UBAC1: variants seen among roughly 807,000 people sequenced by gnomAD.
The protein encoded by UBAC1 is ubiquitin-associated domain-containing protein 1.
A neutral mutation model predicts 45.9 loss-of-function variants in UBAC1; 27 were observed. The ratio of observed to expected loss-of-function variants is 0.59; its 90% CI spans 0.43 to 0.81. UBAC1 has a LOEUF of 0.81. Ranked by LOEUF, UBAC1 falls within the 30% of genes least tolerant of loss-of-function variation. UBAC1 has a pLI of 0.00. For missense variants in UBAC1, 529 were observed against 539.2 expected, an observed-to-expected ratio of 0.98 and a Z score of 0.19; for synonymous variants, 227 against 215.5, an observed-to-expected ratio of 1.05 and a Z score of -0.47.
rs370804233 is a variant in UBAC1 at position 135,961,139 on chromosome 9, G to A, written c.24C>T (p.Ile8=). 8 of 1,584,074 alleles carry A rather than the reference G, an allele frequency of 5.1e-6. No homozygotes were observed. In the East Asian group the frequency reaches 1.9e-4, roughly 38 times the overall value. Residue 8 remains isoleucine, a synonymous_variant, in exon 1 of 10, where the codon ATC becomes ATT. Coordinates refer to ENST00000371756, the MANE Select transcript of UBAC1 (RefSeq NM_016172.3). MFVQEEK[I]FAGKVLRLHI... is the part of the protein sequence containing the mutation. ...GCAGCCGCAGCACCTTGCCCGCGAA[G>A]ATCTTCTCCTCCTGCACGAACATCC...
In UBAC1 at chr9:135,947,913, G is replaced by C; in HGVS notation, c.334-8C>G. 1 of 1,612,288 alleles carries C rather than the reference G, an allele frequency of 6.2e-7. No individual in the cohort carries two copies. The highest frequency in any genetic ancestry group is 1.3e-5 in the African/African-American group (1 of 74,962). ...TTTCTGGTCTTGTTTTTTCTACACA[G>C]AAACGTAATCAGAAAGTCTGAGGTG... On this transcript the variant is annotated splice_polypyrimidine_tract_variant and splice_region_variant and intron_variant, in intron 3 of 9. Coordinates refer to ENST00000371756, the MANE Select transcript of UBAC1 (RefSeq NM_016172.3).
At chr9:135,951,925 T>A (rs1295719106) in intron 3 of UBAC1, among the ~76,000 whole-genome samples, 5 of 152,234 alleles carry the variant, frequency 3.3e-5, no homozygotes, top group African/African-American at 1.2e-4. Context: ...GCTCCTCAGG[T>A]TAGCTCCAAG....
At chr9:135,933,665 C>G in intron 9 of UBAC1, 150 bp from the exon 10 acceptor site, 1 of 627,560 alleles carries the variant, frequency 1.6e-6, no homozygotes, top group Non-Finnish European at 2.9e-6. Context: ...TGTGCACTCT[C>G]AGGCTGAAAC....
At chr9:135,947,254 G>T (rs935203334) in intron 4 of UBAC1, among the ~76,000 whole-genome samples, 2 of 148,080 alleles carry the variant, frequency 1.4e-5, no homozygotes, top group Non-Finnish European at 1.5e-5. Context: ...AGATTTGTGT[G>T]TTTTTTTTTT....
intron 6 of UBAC1, 142 bp from the exon 7 acceptor site, chr9:135,945,392 G>T: frequency 1.4e-6 from 1 of 695,022 alleles, no homozygotes; most frequent in Non-Finnish European, 2.3e-6. Flanking sequence ...GAACCTGAAT[G>T]AACACAGGTG....
In UBAC1 at chr9:135,933,351, C is replaced by T. The variant is rs1202960908; in HGVS notation, c.*49G>A. 4 of 1,540,644 alleles carry T rather than the reference C, an allele frequency of 2.6e-6. No homozygotes were observed. Among genetic ancestry groups the T allele is most frequent in the Non-Finnish European group, 9.0e-7 (1 of 1,113,804 alleles). ...GAGGTCCACTCTGCCCGGTCTCGGG[C>T]CGCACCAGGGGGCTGCTGTGGCCTG... On this transcript the variant is annotated 3_prime_UTR_variant, in exon 10 of 10. Transcript: ENST00000371756.
intron 3 of UBAC1, among the ~76,000 whole-genome samples, chr9:135,952,392 A>G (rs1839416217): frequency 6.6e-6 from 1 of 152,258 alleles, no homozygotes; most frequent in Non-Finnish European, 1.5e-5. Context: ...AGCAGAGGAA[A>G]GTGGCTGCCC....
intron 7 of UBAC1, among the ~76,000 whole-genome samples, chr9:135,943,146 G>A (rs1443265320): frequency 2.6e-5 from 4 of 152,146 alleles, no homozygotes; most frequent in African/African-American, 4.8e-5. Flanking sequence ...TTGGCCGGGC[G>A]CAGTGTCTCA....
chr9:135,933,119 CAA>C lies in UBAC1; in HGVS notation c.*279_*280del. 2.7e-6 allele frequency: 1 copy of C among 370,222 alleles called. No individual in the cohort carries two copies. The highest frequency in any genetic ancestry group is 5.0e-5 in the East Asian group (1 of 20,158). 22.9% of individuals were successfully genotyped at this position (370,222 alleles called of 1,614,324 possible). A position where few individuals can be genotyped will look rare whatever the true frequency, so the allele number is the denominator to read the frequency against. ...CTACACGGCAATTCAAGCAGCAACT[CAA>C]GAGCCCAGAGGAGCACTGGAGACGA... On this transcript the variant is annotated 3_prime_UTR_variant, in exon 10 of 10. Transcript: ENST00000371756.
intron 3 of UBAC1, among the ~76,000 whole-genome samples, chr9:135,950,002 G>A (rs1243194749): frequency 2.0e-5 from 3 of 152,230 alleles, no homozygotes; most frequent in Admixed American, 2.0e-4. Flanking sequence ...CAGGCCCTGA[G>A]AGCAGCCCCC....
intron 3 of UBAC1, among the ~76,000 whole-genome samples, chr9:135,952,348 G>C (rs1433556727): frequency 6.6e-6 from 1 of 152,266 alleles, no homozygotes; most frequent in Non-Finnish European, 1.5e-5. Context: ...GCACGAGTAA[G>C]AAATTCTACC....
intron 3 of UBAC1, among the ~76,000 whole-genome samples, chr9:135,952,977 T>C (rs1314658085): frequency 6.6e-6 from 1 of 152,236 alleles, no homozygotes; most frequent in Non-Finnish European, 1.5e-5. Context: ...TTCTGTGTGG[T>C]GGTTGGTTAC....
intron 1 of UBAC1, 61 bp from the exon 2 acceptor site, chr9:135,955,476 G>C (rs966792747): frequency 2.8e-6 from 4 of 1,427,828 alleles, no homozygotes; most frequent in Non-Finnish European, 3.7e-6. Context: ...AATAATATAG[G>C]ACCTGGCATC....
In UBAC1 at chr9:135,939,777, C is replaced by CGTT. The variant is rs1564195129; in HGVS notation, c.877-21_877-19dup. The CGTT allele has an allele frequency of 6.2e-7, 1 of 1,605,902 alleles. No homozygotes were observed. Among genetic ancestry groups the CGTT allele is most frequent in the South Asian group, 1.1e-5 (1 of 90,232 alleles). On this transcript the variant is annotated intron_variant, in intron 7 of 9. Coordinates refer to ENST00000371756, the MANE Select transcript of UBAC1 (RefSeq NM_016172.3). ...ATGACGGCCTAGAGGACAGCACAGC[C>CGTT]GTTAGCTCGCTGGGGGCGGCAGGAG...
At chr9:135,955,227 T>C (rs879042038) in intron 2 of UBAC1, 68 bp downstream of exon 2, 5 of 1,420,132 alleles carry the variant, frequency 3.5e-6, no homozygotes, top group Non-Finnish European at 4.6e-6. Context: ...GACCACCCCC[T>C]CCTGGCTCCA....
At chr9:135,945,448 G>A in intron 6 of UBAC1, 198 bp from the exon 7 acceptor site, 3 of 544,550 alleles carry the variant, frequency 5.5e-6, no homozygotes, top group Non-Finnish European at 6.4e-6. Context: ...GAGACCCTGG[G>A]CAGAATCAGA....
intron 7 of UBAC1, among the ~76,000 whole-genome samples, chr9:135,943,714 C>T (rs1325791450): frequency 1.3e-5 from 2 of 152,056 alleles, no homozygotes; most frequent in African/African-American, 4.8e-5. Flanking sequence ...CTCAAATGCC[C>T]ACGGATAAGA....
intron 9 of UBAC1, among the ~76,000 whole-genome samples, chr9:135,934,906 C>T (rs1056066166): frequency 4.6e-5 from 7 of 151,784 alleles, no homozygotes; most frequent in Admixed American, 2.6e-4. Context: ...TTTGAGACAG[C>T]GACTTGCTTT....
In UBAC1 at chr9:135,955,278, G is replaced by A. The variant is rs753771096; in HGVS notation, c.259+17C>T. ...CACGATGCCTGCTGCCAACCCGCCC[G>A]CCCACAGCAGCCTTACCTTGGTCCT... is the stretch of plus-strand genomic sequence containing the variant. On this transcript the variant is annotated intron_variant, in intron 2 of 9. Coordinates refer to ENST00000371756, the MANE Select transcript of UBAC1 (RefSeq NM_016172.3). 5.5e-5 allele frequency: 85 copies of A among 1,538,228 alleles called. No individual in the cohort carries two copies. Among genetic ancestry groups the A allele is most frequent in the Non-Finnish European group, 6.3e-5 (72 of 1,145,574 alleles).
Sources: gnomAD v4.1 joint callset for allele counts (sites outside exome capture counted in the v4.1 genomes callset) on GRCh38, gnomAD v4.1.1 for gene constraint, MANE v1.5 for transcripts, NCBI Gene and HGNC (gene_info 2026-07-23, HGNC 2026-07-21) for gene names.